The following PATJ variants were observed in gnomAD, a reference collection of about 807,000 sequenced individuals.
The protein encoded by PATJ is PATJ crumbs cell polarity complex component.
In PATJ, 190 loss-of-function variants were observed where a neutral mutation model predicts 224.9. The observed-to-expected ratio is 0.84, with a 90% CI of 0.75 to 0.95. The LOEUF (loss-of-function observed/expected upper bound fraction) is 0.95. Ranked by LOEUF, PATJ falls within the 40% of genes least tolerant of loss-of-function variation. The pLI is 0.00. For synonymous variants in PATJ, 769 were observed against 820.3 expected (o/e 0.94, Z 1.07); for missense variants, 2,121 against 2,270.3 (o/e 0.93, Z 1.34).
At chr1:62,040,944 T>C (rs751022714) in intron 30 of PATJ, among the ~76,000 whole-genome samples, 1 of 152,230 alleles carries the variant, frequency 6.6e-6, no homozygotes, top group Non-Finnish European at 1.5e-5. Context: ...TAATGACATA[T>C]GTGTTTCTTA....
intron 30 of PATJ, among the ~76,000 whole-genome samples, chr1:62,049,569 T>C (rs1653205657): frequency 6.6e-6 from 1 of 152,188 alleles, no homozygotes; most frequent in African/African-American, 2.4e-5. Context: ...ATGTGGATAT[T>C]CCATTTGTCA....
Position 62,000,052 on chromosome 1 carries a change from C to A in PATJ, c.3867+9688C>A, listed in dbSNP as rs575169244. Among the ~76,000 whole-genome samples the A allele has an allele frequency of 1.8e-3, 276 of 151,990 alleles. 1 individual carries two copies. The highest frequency in any genetic ancestry group is 3.4e-3 in the Non-Finnish European group (231 of 67,970). ...TACAGGCGCCTGCCACCATGCCCGGCTAATTTTTGTATTTTTAGTAGAGAT... is the reference window on the plus strand; with the variant it reads ...TACAGGCGCCTGCCACCATGCCCGGATAATTTTTGTATTTTTAGTAGAGAT... On this transcript the variant is annotated intron_variant, in intron 28 of 43. Coordinates refer to ENST00000642238, the MANE Select transcript of PATJ (RefSeq NM_001350145.3).
At chr1:62,013,696 G>A (rs1201427419) in intron 28 of PATJ, among the ~76,000 whole-genome samples, 2 of 152,242 alleles carry the variant, frequency 1.3e-5, no homozygotes, top group Non-Finnish European at 2.9e-5. Flanking sequence ...TGGAAGCAGA[G>A]GCTGAACACA....
intron 27 of PATJ, among the ~76,000 whole-genome samples, chr1:61,937,655 T>TC (rs1293857701): frequency 1.1e-4 from 17 of 149,548 alleles, no homozygotes; most frequent in Non-Finnish European, 2.1e-4. Context: ...TTCTTCTTTT[T>TC]TTTTTTTTTT....
chr1:62,053,514 G>A (rs1236692483), intron 31 of PATJ, among the ~76,000 whole-genome samples: 2 of 152,220 alleles, frequency 1.3e-5, no homozygotes, highest in African/African-American at 2.4e-5. Flanking sequence ...GAGGTTGGGA[G>A]TTCAAGACCA....
At chr1:61,765,090 T>TTTTTTTTTTTTTTTTTTC (rs1646192958) in intron 3 of PATJ, among the ~76,000 whole-genome samples, 1 of 126,596 alleles carries the variant, frequency 7.9e-6, no homozygotes, top group Non-Finnish European at 1.6e-5. Flanking sequence ...TTTTTTTTTT[T>TTTTTTTTTTTTTTTTTTC]TTTTTTTTTG....
Position 61,914,639 on chromosome 1 carries a change from A to C in PATJ, c.3545A>C (p.Gln1182Pro). ...KANKITGNQN[Q>P]DTQEKKEKRQ... is the part of the protein sequence containing the mutation. ...AACAAAATCACCGGTAACCAGAACC[A>C]GGACACCCAAGAAAAGAAAGAAAAG... Residue 1182 changes from glutamine to proline, a missense_variant, in exon 26 of 44, where the codon CAG becomes CCG. Transcript: ENST00000642238. 6.3e-7 allele frequency: 1 copy of C among 1,579,312 alleles called. No homozygotes were observed. The highest frequency in any genetic ancestry group is 8.7e-7 in the Non-Finnish European group (1 of 1,148,922).
chr1:61,895,697 G>A (rs1280059674), intron 22 of PATJ, among the ~76,000 whole-genome samples: 5 of 152,236 alleles, frequency 3.3e-5, no homozygotes, highest in African/African-American at 9.6e-5. Flanking sequence ...CTCTACCAGG[G>A]CAATGTAGAG....
chr1:62,044,183 A>G (rs1652074215), intron 30 of PATJ, among the ~76,000 whole-genome samples: 1 of 152,224 alleles, frequency 6.6e-6, no homozygotes, highest in African/African-American at 2.4e-5. Flanking sequence ...ATTGTTATTA[A>G]CTGTGGTCAC....
intron 14 of PATJ, among the ~76,000 whole-genome samples, chr1:61,820,730 T>G (rs979978823): frequency 5.3e-5 from 8 of 152,222 alleles, no homozygotes; most frequent in Non-Finnish European, 7.3e-5. Flanking sequence ...AATTTAGCAG[T>G]CTGCTCTCAA....
chr1:61,992,119 T>C (rs1477822364), intron 28 of PATJ, among the ~76,000 whole-genome samples: 5 of 139,608 alleles, frequency 3.6e-5, no homozygotes, highest in East Asian at 4.0e-4. Context: ...GTGGGATTCT[T>C]TTTTTTTTTT....
In PATJ at chr1:61,961,985, A is replaced by G. The variant is rs545351814; in HGVS notation, c.3671-28183A>G. 1.4e-3 allele frequency among the ~76,000 whole-genome samples: 215 copies of G among 148,706 alleles called. 1 individual carries two copies. Among genetic ancestry groups the G allele is most frequent in the Middle Eastern group, 3.5e-3 (1 of 286 alleles). On this transcript the variant is annotated intron_variant, in intron 27 of 43. Coordinates refer to ENST00000642238, the MANE Select transcript of PATJ (RefSeq NM_001350145.3). ...ACTCCGTCTTAGAAAAAAAAAAAAAAGAAAGAAAAGAAATGTGAATACGGA... is the reference window on the plus strand; with the variant it reads ...ACTCCGTCTTAGAAAAAAAAAAAAAGGAAAGAAAAGAAATGTGAATACGGA...
chr1:61,957,489 G>A (rs961299321), intron 27 of PATJ, among the ~76,000 whole-genome samples: 5 of 152,016 alleles, frequency 3.3e-5, no homozygotes, highest in Non-Finnish European at 7.4e-5. Flanking sequence ...TAATTGAGCA[G>A]TTCATTTTTA....
At chr1:62,097,000 C>T (rs1289585998) in intron 33 of PATJ, among the ~76,000 whole-genome samples, 1 of 152,124 alleles carries the variant, frequency 6.6e-6, no homozygotes, top group Non-Finnish European at 1.5e-5. Flanking sequence ...TACTCAATAC[C>T]TGTGATTTAG....
At chr1:62,004,498 G>A (rs1407083638) in intron 28 of PATJ, among the ~76,000 whole-genome samples, 2 of 151,936 alleles carry the variant, frequency 1.3e-5, no homozygotes, top group East Asian at 1.9e-4. Context: ...TTTTCACCCC[G>A]AGTAAATACC....
In PATJ at chr1:61,797,278, A is replaced by C; in HGVS notation, c.1261-9A>C. On this transcript the variant is annotated splice_polypyrimidine_tract_variant and intron_variant, in intron 10 of 43. Transcript: ENST00000642238. ...AAACCTCTGCTTAATGTTTCTCTTG[A>C]TGTTTTAGGTCGATGGCGTGAACAT... 6.2e-7 allele frequency: 1 copy of C among 1,607,170 alleles called. No individual in the cohort carries two copies. The highest frequency in any genetic ancestry group is 1.1e-5 in the South Asian group (1 of 90,758).
intron 26 of PATJ, among the ~76,000 whole-genome samples, 190 bp from the exon 27 acceptor site, chr1:61,927,540 C>T (rs141582804): frequency 6.6e-6 from 1 of 152,214 alleles, no homozygotes; most frequent in African/African-American, 2.4e-5. Context: ...GTGTTTATAC[C>T]ACAGAGTCAC....
intron 20 of PATJ, among the ~76,000 whole-genome samples, chr1:61,867,841 T>C (rs1665664322): frequency 6.6e-6 from 1 of 152,172 alleles, no homozygotes; most frequent in Non-Finnish European, 1.5e-5. Flanking sequence ...TGATAATTTA[T>C]CTAATAATAT....
chr1:61,958,873 AT>A (rs1680815007), intron 27 of PATJ, among the ~76,000 whole-genome samples: 3 of 152,124 alleles, frequency 2.0e-5, no homozygotes, highest in African/African-American at 7.2e-5. Flanking sequence ...TAGTCCTGTG[AT>A]TTTTAGGGGG....
Sources: gnomAD v4.1 joint callset for allele counts (sites outside exome capture counted in the v4.1 genomes callset) on GRCh38, gnomAD v4.1.1 for gene constraint, MANE v1.5 for transcripts, NCBI Gene and HGNC (gene_info 2026-07-23, HGNC 2026-07-21) for gene names.